The following PRRC2C variants were observed in gnomAD, a reference collection of about 807,000 sequenced individuals.
PRRC2C encodes protein PRRC2C.
A neutral mutation model predicts 317.2 loss-of-function variants in PRRC2C; 72 were observed. The ratio of observed to expected loss-of-function variants is 0.23; its 90% CI spans 0.19 to 0.28. PRRC2C has a LOEUF of 0.28. Ranked by LOEUF, PRRC2C falls within the 10% of genes least tolerant of loss-of-function variation. The probability of loss-of-function intolerance (pLI) is 1.00; values close to 1 mark genes in which losing one functional copy is unlikely to be tolerated. For missense variants in PRRC2C, 3,074 were observed against 3,459.7 expected (o/e 0.89, Z 2.80); for synonymous variants, 1,296 against 1,205.9 (o/e 1.07, Z -1.55).
intron 18 of PRRC2C, among the ~76,000 whole-genome samples, chr1:171,550,597 C>G (rs1294073697): frequency 2.0e-5 from 3 of 150,938 alleles, no homozygotes; most frequent in Admixed American, 2.0e-4. Flanking sequence ...AGGTATTTCT[C>G]CTAATGCTAT....
Position 171,559,505 on chromosome 1 carries a change from G to GTTTTTTTTTTTTTTTTT in PRRC2C, c.6031+1365_6031+1366insTTTTTTTTTTTTTTTTT, listed in dbSNP as rs1236663155. ...ATCTGTTTACAAAATGGCATACCAA[G>GTTTTTTTTTTTTTTTTT]TTTGTTTTTTTTTTTTTTTTTTTTT... On this transcript the variant is annotated intron_variant, in intron 19 of 34. Coordinates refer to ENST00000647382, the MANE Select transcript of PRRC2C (RefSeq NM_001387844.1). Among the ~76,000 whole-genome samples, 19 of 95,122 alleles carry GTTTTTTTTTTTTTTTTT rather than the reference G, an allele frequency of 2.0e-4. 9 individuals are homozygous for GTTTTTTTTTTTTTTTTT. Among genetic ancestry groups the GTTTTTTTTTTTTTTTTT allele is most frequent in the East Asian group, 3.1e-4 (1 of 3,178 alleles). The allele number at this position is 95,122 out of a possible 152,430, so 62.4% of individuals were successfully genotyped here.
At chr1:171,516,985 A>G (rs1273892023) in intron 5 of PRRC2C, among the ~76,000 whole-genome samples, 1 of 152,206 alleles carries the variant, frequency 6.6e-6, no homozygotes, top group Non-Finnish European at 1.5e-5. Context: ...CAACCCTGCT[A>G]TATTGTGAGA....
intron 1 of PRRC2C, among the ~76,000 whole-genome samples, chr1:171,503,349 C>A (rs1348538778): frequency 1.3e-5 from 2 of 152,064 alleles, no homozygotes; most frequent in Non-Finnish European, 2.9e-5. Flanking sequence ...CATGACAAAA[C>A]CCCATCTTTA....
At chr1:171,485,935 T>A (rs1438111215) in intron 1 of PRRC2C, among the ~76,000 whole-genome samples, 200 bp downstream of exon 1, 1 of 151,968 alleles carries the variant, frequency 6.6e-6, no homozygotes, top group Non-Finnish European at 1.5e-5. Flanking sequence ...GGCCTCCAGC[T>A]TGGGGAGCGG....
At position 171,575,009 on chromosome 1, in the gene PRRC2C, T is replaced by C. The variant is rs755397754; in HGVS notation, c.6836T>C (p.Ile2279Thr). ...CCAGTAACTTCCACAGCACCTCCAA[T>C]TGCAACTGGAGTCAGCAGTAGTGCC... ...GSPVTSTAPPIATGVSSSASG... is the reference protein window; with the variant it reads ...GSPVTSTAPPTATGVSSSASG... Residue 2279 changes from isoleucine (I) to threonine (T), a missense_variant, in exon 25 of 35, where the codon ATT (isoleucine) becomes ACT (threonine). Coordinates refer to ENST00000647382, the MANE Select transcript of PRRC2C (RefSeq NM_001387844.1). 6.2e-7 allele frequency: 1 copy of C among 1,613,792 alleles called. No individual in the cohort carries two copies. Among genetic ancestry groups the C allele is most frequent in the African/African-American group, 1.3e-5 (1 of 74,922 alleles).
At chr1:171,579,538 A>G in intron 27 of PRRC2C, 72 bp downstream of exon 27, 1 of 1,542,286 alleles carries the variant, frequency 6.5e-7, no homozygotes, top group African/African-American at 1.4e-5. Flanking sequence ...TTATCTTGGA[A>G]CATAAATAAT....
chr1:171,516,702 GT>G (rs552330890), intron 5 of PRRC2C, among the ~76,000 whole-genome samples: 4 of 152,186 alleles, frequency 2.6e-5, no homozygotes, highest in Non-Finnish European at 4.4e-5. Context: ...GGTCAGCTTA[GT>G]TTGAGGTTCT....
chr1:171,542,033 G>T lies in PRRC2C; in HGVS notation c.4567G>T (p.Ala1523Ser), dbSNP rs1571893354. 1 of 1,613,852 alleles carries T rather than the reference G, an allele frequency of 6.2e-7. No homozygotes were observed. The highest frequency in any genetic ancestry group is 1.3e-5 in the African/African-American group (1 of 75,020). Residue 1523 changes from alanine to serine, a missense_variant, in exon 16 of 35, where the codon GCA becomes TCA. Ala to Ser is a moderately conservative substitution (Grantham distance 99, BLOSUM62 1). Transcript: ENST00000647382. ...RDEKKNADLN[A>S]QTVVKVGENV... is the part of the protein sequence containing the mutation. ...TGAAAAAAAAAATGCTGACTTGAAT[G>T]CACAAACAGTTGTAAAGGTTGGAGA...
At chr1:171,512,573 GT>G in intron 2 of PRRC2C, 1 of 245,414 alleles carries the variant, frequency 4.1e-6, no homozygotes, top group South Asian at 5.1e-5. Context: ...GTGTGGGGGT[GT>G]GTGTGTGTGT....
intron 6 of PRRC2C, among the ~76,000 whole-genome samples, chr1:171,520,421 G>A (rs139007389): frequency 2.0e-5 from 3 of 152,248 alleles, no homozygotes; most frequent in African/African-American, 4.8e-5. Context: ...GGGAAACCAC[G>A]TGGGCATCAT....
intron 3 of PRRC2C, 84 bp downstream of exon 3, chr1:171,513,256 G>A (rs1181367913): frequency 3.7e-6 from 5 of 1,333,968 alleles, no homozygotes; most frequent in African/African-American, 3.0e-5. Flanking sequence ...TTTGCTAAGT[G>A]TTATGCTGTC....
chr1:171,570,117 G>A (rs969425265), intron 23 of PRRC2C, among the ~76,000 whole-genome samples: 1 of 152,138 alleles, frequency 6.6e-6, no homozygotes, highest in East Asian at 1.9e-4. Flanking sequence ...ATTATAAATG[G>A]TCATCAGTTT....
Position 171,577,780 on chromosome 1 carries a change from T to TAA in PRRC2C, c.7159+143_7159+144insAA, listed in dbSNP as rs1234346043. ...AAATATTTAAATTCGCATTTTTTTTTTTTTTTTTTTTTTTTGAGATGGTGT... is the reference window on the plus strand; with the variant it reads ...AAATATTTAAATTCGCATTTTTTTTTAATTTTTTTTTTTTTTTGAGATGGTGT... On this transcript the variant is annotated intron_variant, in intron 26 of 34. Transcript: ENST00000647382. The TAA allele has an allele frequency of 4.0e-3, 3,131 of 787,772 alleles. 51 individuals are homozygous for TAA. Among genetic ancestry groups the TAA allele is most frequent in the Non-Finnish European group, 4.8e-3 (2,510 of 526,008 alleles). The allele number at this position is 787,772 out of a possible 1,614,324, so 48.8% of individuals were successfully genotyped here.
At chr1:171,490,603 C>CT (rs1304314788) in intron 1 of PRRC2C, among the ~76,000 whole-genome samples, 1 of 152,010 alleles carries the variant, frequency 6.6e-6, no homozygotes, top group Admixed American at 6.5e-5. Flanking sequence ...AAGGGAAGAA[C>CT]AAGACAAAAT....
intron 18 of PRRC2C, among the ~76,000 whole-genome samples, chr1:171,551,541 C>G (rs1029979683): frequency 3.9e-5 from 6 of 152,184 alleles, no homozygotes; most frequent in African/African-American, 1.4e-4. Context: ...TTTCCCATGC[C>G]TATATCCTGA....
intron 18 of PRRC2C, among the ~76,000 whole-genome samples, chr1:171,553,008 G>A (rs530827170): frequency 7.9e-5 from 12 of 152,174 alleles, no homozygotes; most frequent in Admixed American, 4.6e-4. Context: ...CTCTTTTTCT[G>A]TTGATTGGAA....
At chr1:171,515,336 C>T (rs986492547) in intron 4 of PRRC2C, among the ~76,000 whole-genome samples, 30 of 152,142 alleles carry the variant, frequency 2.0e-4, no homozygotes, top group Admixed American at 3.9e-4. Context: ...GGCATTTTAG[C>T]CTCATCTTGA....
At chr1:171,528,064 C>CT (rs994341902) in intron 11 of PRRC2C, among the ~76,000 whole-genome samples, 1 of 151,676 alleles carries the variant, frequency 6.6e-6, no homozygotes, top group African/African-American at 2.4e-5. Flanking sequence ...TAGGAGATAA[C>CT]TTTTTTTTTC....
intron 1 of PRRC2C, among the ~76,000 whole-genome samples, chr1:171,500,250 C>T (rs1244809520): frequency 6.6e-6 from 1 of 152,134 alleles, no homozygotes; most frequent in East Asian, 1.9e-4. Context: ...ACTAAATTTT[C>T]AGTATTGCTT....
Sources: gnomAD v4.1 joint callset for allele counts (sites outside exome capture counted in the v4.1 genomes callset) on GRCh38, gnomAD v4.1.1 for gene constraint, MANE v1.5 for transcripts, NCBI Gene and HGNC (gene_info 2026-07-23, HGNC 2026-07-21) for gene names.